SLC2A5: variants seen among roughly 807,000 people sequenced by gnomAD.
SLC2A5 encodes the protein solute carrier family 2 member 5.
Under a neutral mutation model 50.3 loss-of-function variants are expected in SLC2A5, and 56 were observed. The ratio of observed to expected loss-of-function variants is 1.11; its 90% CI spans 0.90 to 1.39. The LOEUF (loss-of-function observed/expected upper bound fraction) is 1.39. Among genes scored for constraint, SLC2A5 ranks in the 40% most tolerant of loss-of-function variants. SLC2A5 has a pLI of 0.00. For synonymous variants in SLC2A5, 269 were observed against 281.9 expected, an observed-to-expected ratio of 0.95 and a Z score of 0.46; for missense variants, 566 against 650.1, an observed-to-expected ratio of 0.87 and a Z score of 1.41.
chr1:9,047,478 G>C lies in SLC2A5; in HGVS notation c.418+132C>G, dbSNP rs1485927428. The C allele has an allele frequency of 6.9e-6, 6 of 869,664 alleles. No homozygotes were observed. The Admixed American group carries it at 1.3e-4, about 18-fold the overall frequency. The allele number at this position is 869,664 out of a possible 1,614,324, so 53.9% of individuals were successfully genotyped here. ...AGAACCAGGTAGGGCTCAACCATCT[G>C]TTTCACAGCAGAGGTATAGGAACGC... On this transcript the variant is annotated intron_variant, in intron 4 of 11. Transcript: ENST00000377424.
At chr1:9,063,844 C>T (rs977832619) in intron 1 of SLC2A5, among the ~76,000 whole-genome samples, 4 of 142,282 alleles carry the variant, frequency 2.8e-5, no homozygotes, top group Non-Finnish European at 4.5e-5. Context: ...TACAGGCGCC[C>T]GCTACCACGC....
In SLC2A5 at chr1:9,040,072, G is replaced by A; in HGVS notation, c.689C>T (p.Ala230Val). Residue 230 changes from alanine to valine, a missense_variant, in exon 6 of 12, where the codon GCC becomes GTC. Ala to Val is a moderately conservative substitution (Grantham distance 64). Coordinates refer to ENST00000377424, the MANE Select transcript of SLC2A5 (RefSeq NM_003039.3). This position sits in a 1 kb window ranked among gnomAD's most constrained non-coding sequence, Gnocchi z 4.3. ...LLIQKKDEAA[A>V]KKALQTLRGW... The stretch of plus-strand genomic sequence containing the variant: ...GCCAGAGCCCTCGTTACCTTTCTTG[G>A]CGGCCGCTTCGTCTTTCTTCTGAAT... The A allele has an allele frequency of 6.3e-7, 1 of 1,587,464 alleles. No homozygotes were observed. The highest frequency in any genetic ancestry group is 1.8e-5 in the Admixed American group (1 of 56,712).
At chr1:9,046,159 G>A (rs1641428587) in intron 4 of SLC2A5, among the ~76,000 whole-genome samples, 2 of 150,808 alleles carry the variant, frequency 1.3e-5, no homozygotes, top group Admixed American at 1.3e-4. Flanking sequence ...CTGGAGGGAG[G>A]CAGTGAGGCA....
chr1:9,039,717 AGGACCCACGCCCG>A, intron 7 of SLC2A5, 55 bp from the exon 8 acceptor site: 1 of 1,437,728 alleles, frequency 7.0e-7, no homozygotes, highest in Non-Finnish European at 9.2e-7. Context: ...CCTCGGCGCC[AGGACCCACGCCCG>A]GCGCCCCAGG....
intron 2 of SLC2A5, among the ~76,000 whole-genome samples, 177 bp from the exon 3 acceptor site, chr1:9,057,785 C>T (rs1641800808): frequency 6.6e-6 from 1 of 152,188 alleles, no homozygotes; most frequent in Non-Finnish European, 1.5e-5. Flanking sequence ...TGGGCACCCA[C>T]CGGGAGGGCT....
intron 3 of SLC2A5, among the ~76,000 whole-genome samples, chr1:9,048,946 T>G (rs939059734): frequency 2.0e-5 from 3 of 152,206 alleles, no homozygotes; most frequent in African/African-American, 7.2e-5. Flanking sequence ...CATGAGCCAC[T>G]GCGCCCAGCC....
intron 2 of SLC2A5, among the ~76,000 whole-genome samples, chr1:9,083,512 C>T (rs538266508): frequency 1.5e-4 from 23 of 152,272 alleles, no homozygotes; most frequent in African/African-American, 5.3e-4. Flanking sequence ...CGTAGGACCT[C>T]ATTATGTGCT....
rs2124290524 is a variant in SLC2A5, at chr1:9,036,955, G to T, written c.*631C>A. 1 of 152,162 alleles carries T rather than the reference G, an allele frequency of 6.6e-6. No homozygotes were observed. The highest frequency in any genetic ancestry group is 1.5e-5 in the Non-Finnish European group (1 of 68,124). The allele number at this position is 152,162 out of a possible 1,614,324, so 9.4% of individuals were successfully genotyped here. A position where few individuals can be genotyped will look rare whatever the true frequency, so the allele number is the denominator to read the frequency against. ...ACAGCAGCACGTCTTGTTGAAAAGTGATCAGGTTCATTTTATTGACTACAC... is the reference window on the plus strand; with the variant it reads ...ACAGCAGCACGTCTTGTTGAAAAGTTATCAGGTTCATTTTATTGACTACAC... On this transcript the variant is annotated 3_prime_UTR_variant, in exon 12 of 12. Transcript: ENST00000377424.
rs1641139115 is a variant in SLC2A5 at position 9,036,569 on chromosome 1, A to T, written c.*1017T>A. ...CAAACTGCCTGAAGTGGCCGGGCGC[A>T]GTGGCTCACACCTGTAATCCCAGCA... is the stretch of plus-strand genomic sequence containing the variant. On this transcript the variant is annotated 3_prime_UTR_variant, in exon 12 of 12. Coordinates refer to ENST00000377424, the MANE Select transcript of SLC2A5 (RefSeq NM_003039.3). The T allele has an allele frequency of 6.6e-6, 1 of 152,318 alleles. No homozygotes were observed. 9.4% of individuals were successfully genotyped at this position (152,318 alleles called of 1,614,324 possible).
intron 1 of SLC2A5, among the ~76,000 whole-genome samples, chr1:9,087,232 C>A (rs1412128685): frequency 1.4e-5 from 2 of 147,524 alleles, no homozygotes; most frequent in Admixed American, 6.8e-5. Flanking sequence ...TGAGACAGAG[C>A]CTTGCTCTGT....
chr1:9,067,916 G>A (rs146206597), intron 1 of SLC2A5, among the ~76,000 whole-genome samples: 12 of 152,214 alleles, frequency 7.9e-5, no homozygotes, highest in South Asian at 6.2e-4. Context: ...ATGGCCGGGC[G>A]CGGTGGCTCA....
At position 9,040,234 on chromosome 1, in the gene SLC2A5, C is replaced by A. The variant is rs756290048; in HGVS notation, c.572-45G>T. ...CTGGCACCAGCGGCCTCCCCACCAC[C>A]CCGAAGGCGCCCTCTGCAGAGCCGG... is the stretch of plus-strand genomic sequence containing the variant. On this transcript the variant is annotated intron_variant, in intron 5 of 11. Transcript: ENST00000377424. This position sits in a 1 kb window ranked among gnomAD's most constrained non-coding sequence, Gnocchi z 4.3. 1 of 1,532,204 alleles carries A rather than the reference C, an allele frequency of 6.5e-7. No individual in the cohort carries two copies. Among genetic ancestry groups the A allele is most frequent in the South Asian group, 1.2e-5 (1 of 82,736 alleles). 94.9% of individuals were successfully genotyped at this position (1,532,204 alleles called of 1,614,324 possible).
chr1:9,039,597 C>T lies in SLC2A5; in HGVS notation c.951G>A (p.Val317=). Residue 317 remains valine (V), a synonymous_variant, in exon 8 of 12, where the codon GTG becomes GTA. Coordinates refer to ENST00000377424, the MANE Select transcript of SLC2A5 (RefSeq NM_003039.3). ...AGVPEEHVQY[V]TAGTGAVNVV... ...CGTTCACGGCCCCGGTGCCGGCCGT[C>T]ACGTACTGCACGTGCTCCTCCGGCA... 1 of 1,575,238 alleles carries T rather than the reference C, an allele frequency of 6.3e-7. No individual in the cohort carries two copies. Among genetic ancestry groups the T allele is most frequent in the African/African-American group, 1.4e-5 (1 of 73,736 alleles).
chr1:9,052,439 G>A (rs549455665), intron 3 of SLC2A5, among the ~76,000 whole-genome samples: 3 of 152,178 alleles, frequency 2.0e-5, no homozygotes, highest in African/African-American at 7.2e-5. Flanking sequence ...AGGATTCTTA[G>A]GGCAGTGAAA....
Position 9,039,909 on chromosome 1 carries a change from G to A in SLC2A5, c.776C>T (p.Ala259Val), listed in dbSNP as rs1641253899. The A allele has an allele frequency of 6.2e-7, 1 of 1,612,768 alleles. No individual in the cohort carries two copies. Among genetic ancestry groups the A allele is most frequent in the African/African-American group, 1.3e-5 (1 of 74,924 alleles). Reference sequence around the variant, plus strand: ...CTTCAGCACGGAGATGAAGCCCGCGGCCTTCTCTGCCTCATCCTCCTGCCG... The same window carrying A: ...CTTCAGCACGGAGATGAAGCCCGCGACCTTCTCTGCCTCATCCTCCTGCCG... ...EIRQEDEAEK[A>V]AGFISVLKLF... The change falls in exon 7 of 12, where the codon GCC (alanine) becomes GTC (valine). Residue 259 changes from alanine (A) to valine (V), a missense_variant. Transcript: ENST00000377424.
intron 2 of SLC2A5, among the ~76,000 whole-genome samples, chr1:9,078,591 T>C (rs1642318437): frequency 6.6e-6 from 1 of 152,334 alleles, no homozygotes; most frequent in Admixed American, 6.5e-5. Context: ...CCAAAAACTA[T>C]TGAAAAACAT....
chr1:9,093,000 T>C (rs1460394796), upstream of SLC2A5, among the ~76,000 whole-genome samples: 1 of 152,152 alleles, frequency 6.6e-6, no homozygotes. Flanking sequence ...TACTCATGTA[T>C]AGGAGACCAC....
intron 4 of SLC2A5, among the ~76,000 whole-genome samples, chr1:9,046,890 T>C (rs1306424609): frequency 1.3e-5 from 2 of 152,092 alleles, no homozygotes; most frequent in African/African-American, 4.8e-5. Context: ...TGGGAGGTGA[T>C]TGGATTATAA....
chr1:9,047,307 A>G (rs1469399722), intron 4 of SLC2A5, among the ~76,000 whole-genome samples: 1 of 152,112 alleles, frequency 6.6e-6, no homozygotes, highest in Non-Finnish European at 1.5e-5. Flanking sequence ...AGACATCACC[A>G]CCCACTAACT....
Sources: gnomAD v4.1 joint callset for allele counts (sites outside exome capture counted in the v4.1 genomes callset) on GRCh38, gnomAD v4.1.1 for gene constraint, Gnocchi (gnomAD v3.1) non-coding constraint, MANE v1.5 for transcripts, NCBI Gene and HGNC (gene_info 2026-07-23, HGNC 2026-07-21) for gene names.